L3MBTL4: variants seen among roughly 807,000 people sequenced by gnomAD.
L3MBTL4 encodes lethal(3)malignant brain tumor-like protein 4.
A neutral mutation model predicts 84.5 loss-of-function variants in L3MBTL4; 70 were observed. That is an observed-to-expected ratio of 0.83 (90% CI 0.68 to 1.01). The LOEUF is 1.01. Ranked by LOEUF, L3MBTL4 falls within the 50% of genes least tolerant of loss-of-function variation. The pLI is 0.00. For synonymous variants in L3MBTL4, 274 were observed against 259.8 expected, an observed-to-expected ratio of 1.05 and a Z score of -0.52; for missense variants, 715 against 754.8, an observed-to-expected ratio of 0.95 and a Z score of 0.62.
chr18:6,238,390 A>G (rs1454196912), intron 9 of L3MBTL4, among the ~76,000 whole-genome samples: 3 of 152,046 alleles, frequency 2.0e-5, no homozygotes, highest in Non-Finnish European at 4.4e-5. Flanking sequence ...AAAATTAGCC[A>G]GGTGTGGTGG....
At chr18:6,081,431 C>T (rs1025603376) in intron 15 of L3MBTL4, among the ~76,000 whole-genome samples, 1 of 152,118 alleles carries the variant, frequency 6.6e-6, no homozygotes, top group Non-Finnish European at 1.5e-5. Flanking sequence ...GTATGTAGTA[C>T]GGCCTAATTC....
At position 6,244,590 on chromosome 18, in the gene L3MBTL4, TAC is replaced by T; in HGVS notation, c.220-4_220-3del. The T allele has an allele frequency of 6.2e-7, 1 of 1,603,718 alleles. No individual in the cohort carries two copies. On this transcript the variant is annotated splice_polypyrimidine_tract_variant and splice_region_variant and intron_variant, in intron 5 of 18. Transcript: ENST00000317931. ...TTCATGCTCTGGAAAGGACTGATCC[TAC>T]AAAATTTCACGACATAACATTAGCC...
chr18:6,384,230 G>A (rs1017632738), intron 1 of L3MBTL4, among the ~76,000 whole-genome samples: 1 of 152,046 alleles, frequency 6.6e-6, no homozygotes, highest in East Asian at 1.9e-4. Context: ...TTCTCTTCTT[G>A]TATATATAAT....
At chr18:5,992,866 A>G (rs1444155269) in intron 16 of L3MBTL4, among the ~76,000 whole-genome samples, 3 of 152,196 alleles carry the variant, frequency 2.0e-5, no homozygotes, top group Admixed American at 6.5e-5. Context: ...CCGTGAGCCA[A>G]TATGACCTCT....
intron 5 of L3MBTL4, among the ~76,000 whole-genome samples, chr18:6,246,028 T>G (rs2047648910): frequency 6.6e-6 from 1 of 152,252 alleles, no homozygotes; most frequent in South Asian, 2.1e-4. Flanking sequence ...AAAAGCGTTT[T>G]GAATAGTCCA....
rs1014933799 is a variant in L3MBTL4 at position 6,031,434 on chromosome 18, C to A, written c.1444+49447G>T. 1.6e-5 allele frequency: 16 copies of A among 985,248 alleles called. No individual in the cohort carries two copies. In the African/African-American group the frequency reaches 2.6e-4, roughly 16 times the overall value. The allele number at this position is 985,248 out of a possible 1,614,324, so 61.0% of individuals were successfully genotyped here. ...CTAACTTCTGAACATTTATAAGTTG[C>A]GAGGTGGGACCATTCTTTGCCTCTT... is the stretch of plus-strand genomic sequence containing the variant. On this transcript the variant is annotated intron_variant, in intron 16 of 18. Coordinates refer to ENST00000317931, the MANE Select transcript of L3MBTL4 (RefSeq NM_001330559.2).
intron 16 of L3MBTL4, among the ~76,000 whole-genome samples, chr18:5,985,994 G>A (rs1187384999): frequency 6.6e-6 from 1 of 152,172 alleles, no homozygotes; most frequent in Non-Finnish European, 1.5e-5. Flanking sequence ...GCAACCAGGG[G>A]TGCTGAGCAA....
At chr18:6,150,360 T>C (rs1484417612) in intron 13 of L3MBTL4, among the ~76,000 whole-genome samples, 1 of 152,082 alleles carries the variant, frequency 6.6e-6, no homozygotes, top group Admixed American at 6.6e-5. Context: ...ACATTAAAAG[T>C]TCTCATGACC....
rs1223737329 is a variant in L3MBTL4, at chr18:6,281,401, C to T, written c.128-17363G>A. 3.3e-5 allele frequency among the ~76,000 whole-genome samples: 5 copies of T among 152,126 alleles called. No individual in the cohort carries two copies. The South Asian group carries it at 1.0e-3, about 32-fold the overall frequency. The stretch of plus-strand genomic sequence containing the variant: ...TATCCTACTGTTTTTGTACATAAAG[C>T]TTATGGTGTTAATTCTCCAAAATAG... On this transcript the variant is annotated intron_variant, in intron 4 of 18. Coordinates refer to ENST00000317931, the MANE Select transcript of L3MBTL4 (RefSeq NM_001330559.2).
chr18:6,004,872 C>T (rs531341718), intron 16 of L3MBTL4, among the ~76,000 whole-genome samples: 19 of 151,954 alleles, frequency 1.3e-4, no homozygotes, highest in Non-Finnish European at 1.9e-4. Context: ...TATTGTTTAA[C>T]GGGTGAAGAG....
At chr18:6,210,345 A>G (rs1242530235) in intron 12 of L3MBTL4, among the ~76,000 whole-genome samples, 1 of 152,050 alleles carries the variant, frequency 6.6e-6, no homozygotes, top group Non-Finnish European at 1.5e-5. Flanking sequence ...GGCAGTCACA[A>G]CTCCTCATCC....
chr18:6,097,343 T>C (rs537844733), intron 14 of L3MBTL4, among the ~76,000 whole-genome samples: 2 of 152,210 alleles, frequency 1.3e-5, no homozygotes, highest in Middle Eastern at 3.2e-3. Flanking sequence ...ATTTTTAATA[T>C]CTGATGACAA....
chr18:6,199,253 A>G (rs913147903), intron 12 of L3MBTL4, among the ~76,000 whole-genome samples: 2 of 152,200 alleles, frequency 1.3e-5, no homozygotes, highest in Admixed American at 6.5e-5. Context: ...TGCACTGGCC[A>G]CTATTTCTAC....
At chr18:6,222,160 C>A (rs964874893) in intron 10 of L3MBTL4, among the ~76,000 whole-genome samples, 2 of 152,174 alleles carry the variant, frequency 1.3e-5, no homozygotes, top group Non-Finnish European at 2.9e-5. Context: ...CAGCTCATAA[C>A]AATTAAAGTT....
chr18:6,322,581 A>G (rs904448993), intron 1 of L3MBTL4, among the ~76,000 whole-genome samples: 1 of 152,076 alleles, frequency 6.6e-6, no homozygotes, highest in African/African-American at 2.4e-5. Flanking sequence ...CACTACTCAT[A>G]AGGGCCAAGA....
intron 16 of L3MBTL4, among the ~76,000 whole-genome samples, chr18:6,071,537 G>C (rs1182434987): frequency 6.6e-6 from 1 of 151,594 alleles, no homozygotes; most frequent in Non-Finnish European, 1.5e-5. Flanking sequence ...TTGAGAGGCT[G>C]AGGTAAGAGG....
At chr18:5,979,371 T>C (rs776955843) in intron 16 of L3MBTL4, among the ~76,000 whole-genome samples, 2 of 152,082 alleles carry the variant, frequency 1.3e-5, no homozygotes, top group Non-Finnish European at 2.9e-5. Flanking sequence ...GTGCCTGTCA[T>C]CCAGGAGTGT....
At chr18:6,407,475 C>T (rs2055784127) in intron 1 of L3MBTL4, among the ~76,000 whole-genome samples, 1 of 152,170 alleles carries the variant, frequency 6.6e-6, no homozygotes, top group Admixed American at 6.5e-5. Context: ...GCTGGCATCT[C>T]CAATAATTCA....
chr18:6,239,340 C>CAAA (rs751491795), intron 9 of L3MBTL4, among the ~76,000 whole-genome samples: 3 of 50,376 alleles, frequency 6.0e-5, no homozygotes, highest in African/African-American at 5.4e-5. Flanking sequence ...GACTCCGTCT[C>CAAA]AAAAAAAAAA....
Sources: allele counts gnomAD v4.1 joint callset (sites outside exome capture counted in the v4.1 genomes callset), GRCh38; gene constraint gnomAD v4.1.1; transcripts MANE v1.5; gene names NCBI Gene and HGNC (gene_info 2026-07-23, HGNC 2026-07-21).